PDE4D: variants seen among roughly 807,000 people sequenced by gnomAD.
PDE4D encodes phosphodiesterase 4D.
A neutral mutation model predicts 87.4 loss-of-function variants in PDE4D; 24 were observed. That is an observed-to-expected ratio of 0.27 (90% CI 0.20 to 0.39). The LOEUF (loss-of-function observed/expected upper bound fraction) is 0.39, where lower values mean the gene tolerates loss of function less well. Among genes scored for constraint, PDE4D ranks in the 10% least tolerant of loss-of-function variants. PDE4D has a pLI of 1.00. For missense variants in PDE4D, 714 were observed against 1,041.0 expected (o/e 0.69, Z 4.32); for synonymous variants, 384 against 383.2 (o/e 1.00, Z -0.02).
In PDE4D at chr5:59,068,377, T is replaced by C. The variant is rs191212842; in HGVS notation, c.809-29406A>G. Among the ~76,000 whole-genome samples the C allele has an allele frequency of 4.6e-5, 7 of 152,302 alleles. No homozygotes were observed. The East Asian group carries it at 1.3e-3, about 29-fold the overall frequency. On this transcript the variant is annotated intron_variant, in intron 5 of 14. Coordinates refer to ENST00000340635, the MANE Select transcript of PDE4D (RefSeq NM_001104631.2). The stretch of plus-strand genomic sequence containing the variant: ...AGATCTGAGGTTTTTTATTCATTTG[T>C]TCTTTTGTTCACTCATTTGTTAGTT...
intron 1 of PDE4D, among the ~76,000 whole-genome samples, chr5:59,504,943 TGC>T (rs1207796508): frequency 6.8e-6 from 1 of 146,994 alleles, no homozygotes; most frequent in Non-Finnish European, 1.5e-5. Flanking sequence ...TGTGTGTGCG[TGC>T]GCGTGTGTTT....
chr5:60,114,628 A>G (rs1362936613), intron 2 of PDE4D, among the ~76,000 whole-genome samples: 1 of 152,086 alleles, frequency 6.6e-6, no homozygotes, highest in Non-Finnish European at 1.5e-5. Flanking sequence ...GATTCATTCC[A>G]CAAGTTTATC....
intron 2 of PDE4D, among the ~76,000 whole-genome samples, chr5:60,077,789 C>G (rs1388371553): frequency 1.3e-5 from 2 of 152,194 alleles, no homozygotes; most frequent in Admixed American, 6.5e-5. Context: ...TCTGCCAATT[C>G]AAATGTCCAT....
intron 1 of PDE4D, among the ~76,000 whole-genome samples, chr5:60,411,149 T>C (rs1007982454): frequency 5.9e-5 from 9 of 152,210 alleles, no homozygotes; most frequent in Admixed American, 5.2e-4. Context: ...GTTCTAATTT[T>C]TTCAAGTCAC....
chr5:59,715,963 A>G (rs6896644), intron 1 of PDE4D, among the ~76,000 whole-genome samples: 3,949 of 152,220 alleles, frequency 0.026, 143 homozygotes, highest in African/African-American at 0.08. Flanking sequence ...AGTAGAATTT[A>G]AGGCCTATGT....
chr5:59,347,846 G>A (rs1273730003), intron 1 of PDE4D, among the ~76,000 whole-genome samples: 1 of 152,100 alleles, frequency 6.6e-6, no homozygotes, highest in Non-Finnish European at 1.5e-5. Context: ...CATTGACCTT[G>A]TGCAGTTCTG....
chr5:60,504,184 T>C (rs953207293), intron 1 of PDE4D, among the ~76,000 whole-genome samples: 2 of 152,204 alleles, frequency 1.3e-5, no homozygotes. Flanking sequence ...AATTCTCTGA[T>C]GACTTTCCCA....
chr5:58,974,526 A>C lies in PDE4D; in HGVS notation c.*138T>G. On this transcript the variant is annotated 3_prime_UTR_variant, in exon 15 of 15. Transcript: ENST00000340635. The stretch of plus-strand genomic sequence containing the variant: ...TACGATATTCCTGAGCGCTGGACTG[A>C]GTAGTCAAGGTCAGTTTTGTTCAAC... 2 of 732,864 alleles carry C rather than the reference A, an allele frequency of 2.7e-6. No individual in the cohort carries two copies. Among genetic ancestry groups the C allele is most frequent in the Non-Finnish European group, 4.4e-6 (2 of 450,560 alleles). The allele number at this position is 732,864 out of a possible 1,614,324, so 45.4% of individuals were successfully genotyped here.
At chr5:60,269,364 G>T (rs1487533194) in intron 1 of PDE4D, among the ~76,000 whole-genome samples, 1 of 152,150 alleles carries the variant, frequency 6.6e-6, no homozygotes, top group Admixed American at 6.5e-5. Context: ...TATGGTATTA[G>T]GCTCTGCTAC....
At chr5:60,433,881 G>A (rs1453947614) in intron 1 of PDE4D, among the ~76,000 whole-genome samples, 2 of 152,142 alleles carry the variant, frequency 1.3e-5, no homozygotes, top group African/African-American at 2.4e-5. Flanking sequence ...TGAGTTACAT[G>A]GACACAACGA....
chr5:59,963,817 A>G (rs555012288), intron 3 of PDE4D, among the ~76,000 whole-genome samples: 1 of 152,054 alleles, frequency 6.6e-6, no homozygotes, highest in Non-Finnish European at 1.5e-5. Flanking sequence ...TCCTGCCTTG[A>G]GTTTTCAGCT....
At chr5:60,007,202 C>T (rs1451509392) in intron 2 of PDE4D, among the ~76,000 whole-genome samples, 2 of 151,850 alleles carry the variant, frequency 1.3e-5, no homozygotes, top group East Asian at 3.9e-4. Flanking sequence ...CAGTTACCAC[C>T]CCAAACAATG....
At chr5:59,105,738 T>G (rs1771477422) in intron 5 of PDE4D, among the ~76,000 whole-genome samples, 3 of 152,242 alleles carry the variant, frequency 2.0e-5, no homozygotes, top group South Asian at 2.1e-4. Context: ...GAAATCTTGT[T>G]AAATTGCAGA....
At chr5:60,481,727 A>G (rs1219592023) in intron 1 of PDE4D, among the ~76,000 whole-genome samples, 3 of 152,182 alleles carry the variant, frequency 2.0e-5, no homozygotes, top group Non-Finnish European at 2.9e-5. Flanking sequence ...TGGGTGAGGT[A>G]AAGAGAGAAA....
chr5:59,213,326 AT>A (rs376641359), intron 2 of PDE4D, among the ~76,000 whole-genome samples: 1 of 151,690 alleles, frequency 6.6e-6, no homozygotes, highest in South Asian at 2.1e-4. Context: ...ATGCCCAGCT[AT>A]TTTTTTGGAT....
At chr5:59,543,236 A>G (rs1270261864) in intron 1 of PDE4D, among the ~76,000 whole-genome samples, 4 of 152,158 alleles carry the variant, frequency 2.6e-5, no homozygotes, top group Non-Finnish European at 2.9e-5. Flanking sequence ...GAGGAGGGAG[A>G]GAGAAAGTAG....
At position 59,987,851 on chromosome 5, in the gene PDE4D, G is replaced by GA; in HGVS notation, c.272+636dup. On this transcript the variant is annotated intron_variant, in intron 3 of 16. Coordinates refer to the PDE4D transcript ENST00000502484. ...GTAAAACTCCATTGGTAAACAACAC[G>GA]AAAAAGAATAAAAACAAAAATTATA... 1.3e-5 allele frequency: 2 copies of GA among 151,976 alleles called. 1 individual carries two copies. Among genetic ancestry groups the GA allele is most frequent in the African/African-American group, 4.8e-5 (2 of 41,372 alleles). The allele number at this position is 151,976 out of a possible 1,614,324, so 9.4% of individuals were successfully genotyped here.
At chr5:59,189,254 T>TTTTTTTTTTTTTTTTG (rs1743731835) in intron 3 of PDE4D, among the ~76,000 whole-genome samples, 1 of 57,780 alleles carries the variant, frequency 1.7e-5, no homozygotes, top group Non-Finnish European at 3.3e-5. Flanking sequence ...GTTTTTTTTG[T>TTTTTTTTTTTTTTTTG]TTTTTTTTTT....
At chr5:59,644,779 A>C (rs1194963401) in intron 1 of PDE4D, among the ~76,000 whole-genome samples, 1 of 152,214 alleles carries the variant, frequency 6.6e-6, no homozygotes, top group East Asian at 1.9e-4. Context: ...AAAAACCTAA[A>C]GGATAATCCA....
Sources: allele counts gnomAD v4.1 joint callset (sites outside exome capture counted in the v4.1 genomes callset), GRCh38; gene constraint gnomAD v4.1.1; transcripts MANE v1.5; gene names NCBI Gene and HGNC (gene_info 2026-07-23, HGNC 2026-07-21).